EFCAB11: variants seen among roughly 807,000 people sequenced by gnomAD.
EFCAB11 encodes the protein EF-hand calcium binding domain 11.
Under a neutral mutation model 23.0 loss-of-function variants are expected in EFCAB11, and 14 were observed. That is an observed-to-expected ratio of 0.61 (90% confidence interval 0.40 to 0.95). The LOEUF (loss-of-function observed/expected upper bound fraction) is 0.95. Among genes scored for constraint, EFCAB11 ranks in the 40% least tolerant of loss-of-function variants. The pLI is 0.00. For missense variants in EFCAB11, 198 were observed against 195.8 expected, an observed-to-expected ratio of 1.01 and a Z score of -0.07; for synonymous variants, 65 against 66.6, an observed-to-expected ratio of 0.98 and a Z score of 0.11.
intron 5 of EFCAB11, among the ~76,000 whole-genome samples, chr14:89,800,108 C>T (rs1225591971): frequency 6.6e-6 from 1 of 152,100 alleles, no homozygotes; most frequent in Non-Finnish European, 1.5e-5. Flanking sequence ...ATTGCTTGAA[C>T]CCGGGAGGCA....
chr14:89,913,897 T>G (rs898270403), intron 5 of EFCAB11, among the ~76,000 whole-genome samples: 9 of 152,252 alleles, frequency 5.9e-5, no homozygotes, highest in African/African-American at 2.2e-4. Context: ...GCAGAAAGCA[T>G]CCTGCTCCTT....
chr14:89,928,705 A>C (rs1038802985), intron 5 of EFCAB11, among the ~76,000 whole-genome samples: 5 of 147,908 alleles, frequency 3.4e-5, no homozygotes, highest in African/African-American at 1.2e-4. Flanking sequence ...TCATATATAC[A>C]ATTATTAATA....
chr14:89,812,677 T>C (rs189214356), intron 5 of EFCAB11, among the ~76,000 whole-genome samples: 203 of 152,346 alleles, frequency 1.3e-3, no homozygotes, highest in African/African-American at 4.6e-3. Flanking sequence ...AGGCATTATA[T>C]ATAAATGGGG....
intron 5 of EFCAB11, among the ~76,000 whole-genome samples, chr14:89,801,851 G>T (rs185317806): frequency 6.6e-6 from 1 of 151,926 alleles, no homozygotes; most frequent in African/African-American, 2.4e-5. Flanking sequence ...AAAATTAGCC[G>T]GGCATGGTGA....
At chr14:89,846,380 G>T (rs149092267) in intron 5 of EFCAB11, among the ~76,000 whole-genome samples, 56 of 152,218 alleles carry the variant, frequency 3.7e-4, no homozygotes, top group Admixed American at 1.9e-3. Context: ...ATCATAATGG[G>T]GAAGGACCTC....
chr14:89,862,247 T>C (rs1300749293), intron 5 of EFCAB11, among the ~76,000 whole-genome samples: 1 of 152,234 alleles, frequency 6.6e-6, no homozygotes, highest in East Asian at 1.9e-4. Context: ...GCACATCCTG[T>C]TTCAACTGTA....
At chr14:89,797,596 C>T (rs1014174036) in intron 5 of EFCAB11, among the ~76,000 whole-genome samples, 7 of 152,128 alleles carry the variant, frequency 4.6e-5, no homozygotes, top group African/African-American at 1.7e-4. Flanking sequence ...AAAGAAACGG[C>T]TCTTTCTAAT....
intron 5 of EFCAB11, among the ~76,000 whole-genome samples, chr14:89,871,590 C>A (rs1888270440): frequency 6.6e-6 from 1 of 152,208 alleles, no homozygotes; most frequent in African/African-American, 2.4e-5. Flanking sequence ...GATGCCCCTA[C>A]TTTGCATTAT....
At chr14:89,807,792 CA>C (rs1369130939) in intron 5 of EFCAB11, among the ~76,000 whole-genome samples, 1 of 151,812 alleles carries the variant, frequency 6.6e-6, no homozygotes, top group Non-Finnish European at 1.5e-5. Context: ...TTTGATAAAT[CA>C]AAAGTTTATC....
At chr14:89,941,949 G>C (rs531259491) in intron 3 of EFCAB11, among the ~76,000 whole-genome samples, 2 of 152,172 alleles carry the variant, frequency 1.3e-5, no homozygotes, top group South Asian at 4.2e-4. Flanking sequence ...TCAGGGCAGG[G>C]GCCTGGTGGG....
chr14:89,844,078 A>T (rs1163810633), intron 5 of EFCAB11, among the ~76,000 whole-genome samples: 1 of 152,222 alleles, frequency 6.6e-6, no homozygotes, highest in Admixed American at 6.5e-5. Context: ...TCTTTCAAAT[A>T]AAAATGGTGT....
intron 5 of EFCAB11, among the ~76,000 whole-genome samples, chr14:89,891,488 T>C (rs1401678601): frequency 6.6e-6 from 1 of 152,186 alleles, no homozygotes; most frequent in African/African-American, 2.4e-5. Flanking sequence ...CAATGTATTG[T>C]CAGAAGCAAG....
intron 5 of EFCAB11, among the ~76,000 whole-genome samples, chr14:89,803,158 T>A (rs1450343517): frequency 6.6e-6 from 1 of 152,174 alleles, no homozygotes; most frequent in Admixed American, 6.5e-5. Flanking sequence ...TTGACAACCA[T>A]TGAGCCAGAG....
chr14:89,814,913 G>A lies in EFCAB11; in HGVS notation c.411-17589C>T, dbSNP rs1886280947. On this transcript the variant is annotated intron_variant, in intron 5 of 5. Coordinates refer to ENST00000316738, the MANE Select transcript of EFCAB11 (RefSeq NM_145231.4). ...AGGCTGGTCCCATTGGACAAAGAAA[G>A]GAACGCCAATTTGTAATACACTGCC... Among the ~76,000 whole-genome samples, 3 of 152,154 alleles carry A rather than the reference G, an allele frequency of 2.0e-5. No individual in the cohort carries two copies. In the South Asian group the frequency reaches 6.2e-4, roughly 32 times the overall value.
chr14:89,813,349 A>C (rs1886213898), intron 5 of EFCAB11, among the ~76,000 whole-genome samples: 1 of 152,194 alleles, frequency 6.6e-6, no homozygotes, highest in South Asian at 2.1e-4. Flanking sequence ...AGTGAAGACA[A>C]ATTTGTTTAT....
intron 5 of EFCAB11, among the ~76,000 whole-genome samples, chr14:89,850,518 A>G (rs145679345): frequency 1.6e-4 from 25 of 152,310 alleles, no homozygotes; most frequent in African/African-American, 6.0e-4. Flanking sequence ...TTATGCACAT[A>G]AAGTTTGAGA....
At chr14:89,827,451 C>CT (rs1183742291) in intron 5 of EFCAB11, among the ~76,000 whole-genome samples, 2 of 152,120 alleles carry the variant, frequency 1.3e-5, no homozygotes, top group African/African-American at 2.4e-5. Flanking sequence ...GCCTCTGTAT[C>CT]TCCGGAGGAC....
At chr14:89,797,389 A>G in intron 5 of EFCAB11, 65 bp from the exon 6 acceptor site, 1 of 1,415,822 alleles carries the variant, frequency 7.1e-7, no homozygotes, top group Non-Finnish European at 9.8e-7. Flanking sequence ...CCGAGAGCAC[A>G]TTAGAATCTT....
chr14:89,855,031 C>T (rs757781244), intron 5 of EFCAB11, among the ~76,000 whole-genome samples: 2 of 152,014 alleles, frequency 1.3e-5, no homozygotes, highest in African/African-American at 2.4e-5. Context: ...GGTCAGAATC[C>T]CTGGAAAAAT....
Sources: allele counts gnomAD v4.1 joint callset (sites outside exome capture counted in the v4.1 genomes callset), GRCh38; gene constraint gnomAD v4.1.1; transcripts MANE v1.5; gene names NCBI Gene and HGNC (gene_info 2026-07-23, HGNC 2026-07-21).